Variants in XKR4 observed in about 807,000 individuals in gnomAD.
XKR4 encodes XK related 4.
A neutral mutation model predicts 53.9 loss-of-function variants in XKR4; 12 were observed. The ratio of observed to expected loss-of-function variants is 0.22; its 90% CI spans 0.14 to 0.36. The LOEUF is 0.36. XKR4 is among the 10% of genes least tolerant of loss of function. The pLI, the probability that XKR4 is intolerant of heterozygous loss-of-function variation, is 1.00. For synonymous variants in XKR4, 354 were observed against 362.4 expected (o/e 0.98, Z 0.26); for missense variants, 799 against 859.5 (o/e 0.93, Z 0.88).
chr8:55,235,190 G>T (rs1483455026), intron 1 of XKR4, among the ~76,000 whole-genome samples: 1 of 152,136 alleles, frequency 6.6e-6, no homozygotes, highest in East Asian at 1.9e-4. Context: ...TCCTCACATG[G>T]CCTTCTCCTC....
chr8:55,149,220 C>T (rs1019083298), intron 1 of XKR4, among the ~76,000 whole-genome samples: 72 of 152,358 alleles, frequency 4.7e-4, no homozygotes, highest in African/African-American at 1.7e-3. Flanking sequence ...TAGACCCATC[C>T]AGCTATCCTG....
At chr8:55,500,181 CAAAAAAAAAAAAAAA>C (rs36233927) in intron 2 of XKR4, among the ~76,000 whole-genome samples, 4 of 115,612 alleles carry the variant, frequency 3.5e-5, no homozygotes, top group African/African-American at 1.6e-4. Flanking sequence ...CAAATTGGGC[CAAAAAAAAAAAAAAA>C]AAAAAAAAAC....
chr8:55,363,189 T>C (rs1803928120), intron 2 of XKR4, among the ~76,000 whole-genome samples: 1 of 152,190 alleles, frequency 6.6e-6, no homozygotes, highest in Non-Finnish European at 1.5e-5. Context: ...ACCCTAAGTG[T>C]ATTTAGCTGG....
intron 1 of XKR4, among the ~76,000 whole-genome samples, chr8:55,180,410 T>C (rs1021385880): frequency 6.6e-6 from 1 of 152,238 alleles, no homozygotes; most frequent in African/African-American, 2.4e-5. Flanking sequence ...ACCAACTTTA[T>C]TTGAGAGATA....
intron 1 of XKR4, among the ~76,000 whole-genome samples, chr8:55,306,580 A>G (rs145505031): frequency 6.6e-6 from 1 of 152,316 alleles, no homozygotes; most frequent in Non-Finnish European, 1.5e-5. Flanking sequence ...AGCTTGTGCA[A>G]GAAAACTCCC....
intron 1 of XKR4, among the ~76,000 whole-genome samples, chr8:55,151,148 T>C (rs1563469246): frequency 6.6e-6 from 1 of 152,142 alleles, no homozygotes; most frequent in East Asian, 1.9e-4. Flanking sequence ...CCCCAAATCA[T>C]CTCCAGACAG....
Position 55,102,301 on chromosome 8 carries a change from C to T in XKR4, c.-188C>T, listed in dbSNP as rs1423890403. ...GCCGGCCCCAGGCGCGCCGCTAGCC[C>T]GGCCCAGCGCCCAGCCCGGCGGGCG... On this transcript the variant is annotated 5_prime_UTR_variant, in exon 1 of 3. Coordinates refer to ENST00000327381, the MANE Select transcript of XKR4 (RefSeq NM_052898.2). This position sits in a 1 kb window ranked among gnomAD's most constrained non-coding sequence, Gnocchi z 5.1. The T allele has an allele frequency of 2.5e-6, 2 of 788,470 alleles. No homozygotes were observed. The highest frequency in any genetic ancestry group is 3.1e-6 in the Non-Finnish European group (2 of 647,892). 48.8% of individuals were successfully genotyped at this position (788,470 alleles called of 1,614,324 possible).
At chr8:55,242,439 C>T (rs894410601) in intron 1 of XKR4, among the ~76,000 whole-genome samples, 1 of 152,162 alleles carries the variant, frequency 6.6e-6, no homozygotes, top group Non-Finnish European at 1.5e-5. Context: ...GGATTTGGAT[C>T]ACCTGTGACA....
chr8:55,166,937 A>G (rs1176956413), intron 1 of XKR4, among the ~76,000 whole-genome samples: 1 of 152,234 alleles, frequency 6.6e-6, no homozygotes. Flanking sequence ...TAAAAGGCTC[A>G]TTTGGGCTAA....
chr8:55,482,809 A>T (rs977223277), intron 2 of XKR4, among the ~76,000 whole-genome samples: 2 of 152,126 alleles, frequency 1.3e-5, no homozygotes, highest in African/African-American at 4.8e-5. Flanking sequence ...TCCAAAACAG[A>T]ATTTTTATTT....
At chr8:55,298,377 A>C (rs1324261802) in intron 1 of XKR4, among the ~76,000 whole-genome samples, 1 of 152,180 alleles carries the variant, frequency 6.6e-6, no homozygotes, top group Non-Finnish European at 1.5e-5. Context: ...GATAATTATA[A>C]AGAAAAGAAT....
At chr8:55,208,633 A>T (rs1053895721) in intron 1 of XKR4, among the ~76,000 whole-genome samples, 1 of 151,834 alleles carries the variant, frequency 6.6e-6, no homozygotes, top group African/African-American at 2.4e-5. Flanking sequence ...CACCCAGCTA[A>T]TTTTTGTATT....
At chr8:55,361,050 T>C (rs543130158) in intron 2 of XKR4, among the ~76,000 whole-genome samples, 6 of 152,318 alleles carry the variant, frequency 3.9e-5, no homozygotes, top group South Asian at 2.1e-4. Flanking sequence ...CACAGTCACA[T>C]TGGACATATT....
chr8:55,427,134 G>A (rs1046593984), intron 2 of XKR4, among the ~76,000 whole-genome samples: 2 of 152,064 alleles, frequency 1.3e-5, no homozygotes, highest in African/African-American at 2.4e-5. Context: ...GATAATAGCA[G>A]CATTATTGAA....
At position 55,541,429 on chromosome 8, in the gene XKR4, AT is replaced by A. The variant is rs1807099553; in HGVS notation, c.*17203del. 1 of 151,890 alleles carries A rather than the reference AT, an allele frequency of 6.6e-6. No homozygotes were observed. The highest frequency in any genetic ancestry group is 1.5e-5 in the Non-Finnish European group (1 of 67,958). 9.4% of individuals were successfully genotyped at this position (151,890 alleles called of 1,614,324 possible). A position where few individuals can be genotyped will look rare whatever the true frequency, so the allele number is the denominator to read the frequency against. ...TTTTAAATCTATCTCTGAAAAAAAA[AT>A]GGAACAGGTGGCAGGTGAACAGCAA... On this transcript the variant is annotated 3_prime_UTR_variant, in exon 3 of 3. Transcript: ENST00000327381.
chr8:55,156,615 AT>A (rs1421220644), intron 1 of XKR4, among the ~76,000 whole-genome samples: 2 of 152,182 alleles, frequency 1.3e-5, no homozygotes, highest in East Asian at 3.8e-4. Flanking sequence ...GGGGTATGGG[AT>A]TGGGCATCCT....
chr8:55,495,654 G>T (rs1372931888), intron 2 of XKR4, among the ~76,000 whole-genome samples: 1 of 152,216 alleles, frequency 6.6e-6, no homozygotes. Flanking sequence ...GTGGATGATA[G>T]TAGTGACGTA....
chr8:55,508,681 G>A (rs148502514), intron 2 of XKR4, among the ~76,000 whole-genome samples: 34 of 152,352 alleles, frequency 2.2e-4, no homozygotes, highest in Middle Eastern at 3.4e-3. Context: ...AGAGAAGGAG[G>A]TGGAGGCCCT....
At chr8:55,219,058 C>T (rs1279681795) in intron 1 of XKR4, among the ~76,000 whole-genome samples, 3 of 147,048 alleles carry the variant, frequency 2.0e-5, no homozygotes, top group Admixed American at 6.8e-5. Flanking sequence ...TTTATTCTGG[C>T]ATAAACGTCT....
Sources: allele counts gnomAD v4.1 joint callset (sites outside exome capture counted in the v4.1 genomes callset), GRCh38; gene constraint gnomAD v4.1.1; non-coding constraint Gnocchi (gnomAD v3.1); transcripts MANE v1.5; gene names NCBI Gene and HGNC (gene_info 2026-07-23, HGNC 2026-07-21).